ADAM23: variants seen among roughly 807,000 people sequenced by gnomAD.
ADAM23 encodes disintegrin and metalloproteinase domain-containing protein 23.
A neutral mutation model predicts 120.1 loss-of-function variants in ADAM23; 33 were observed. That is an observed-to-expected ratio of 0.27 (90% CI 0.21 to 0.37). The LOEUF is 0.37. Among genes scored for constraint, ADAM23 ranks in the 10% least tolerant of loss-of-function variants. ADAM23 has a pLI of 1.00. For missense variants in ADAM23, 862 were observed against 1,058.2 expected, an observed-to-expected ratio of 0.81 and a Z score of 2.57; for synonymous variants, 367 against 375.2, an observed-to-expected ratio of 0.98 and a Z score of 0.25.
intron 24 of ADAM23, among the ~76,000 whole-genome samples, chr2:206,607,455 G>A (rs188787480): frequency 1.3e-5 from 2 of 152,170 alleles, no homozygotes; most frequent in South Asian, 2.1e-4. Context: ...TACATTGGCT[G>A]TAACTTTGGT....
At chr2:206,536,627 A>T (rs1316875661) in intron 4 of ADAM23, among the ~76,000 whole-genome samples, 1 of 152,210 alleles carries the variant, frequency 6.6e-6, no homozygotes, top group Non-Finnish European at 1.5e-5. Flanking sequence ...GTGAGGTAGA[A>T]ATAAGACATG....
intron 2 of ADAM23, among the ~76,000 whole-genome samples, chr2:206,477,897 A>AAAAATATATATATATATATATATAT (rs374524658): frequency 5.3e-5 from 5 of 93,570 alleles, no homozygotes; most frequent in African/African-American, 1.5e-4. Context: ...AAAAAAAAAA[A>AAAAATATATATATATATATATATAT]ATATATATAT....
chr2:206,463,846 C>T (rs1695479317), intron 2 of ADAM23, among the ~76,000 whole-genome samples: 1 of 152,238 alleles, frequency 6.6e-6, no homozygotes, highest in African/African-American at 2.4e-5. Context: ...GGAAAAACAG[C>T]TTAGTAATTT....
chr2:206,610,706 T>C (rs535173654), intron 25 of ADAM23, among the ~76,000 whole-genome samples: 1 of 152,348 alleles, frequency 6.6e-6, no homozygotes, highest in Non-Finnish European at 1.5e-5. Context: ...ATAGACACAC[T>C]GGGTATTCAC....
At chr2:206,463,225 G>A (rs770825502) in intron 2 of ADAM23, among the ~76,000 whole-genome samples, 6 of 152,236 alleles carry the variant, frequency 3.9e-5, no homozygotes, top group Non-Finnish European at 8.8e-5. Context: ...TGAGATGGGA[G>A]TATATCCTGG....
At chr2:206,513,127 G>A (rs898376063) in intron 3 of ADAM23, among the ~76,000 whole-genome samples, 14 of 151,974 alleles carry the variant, frequency 9.2e-5, no homozygotes, top group African/African-American at 3.1e-4. Context: ...ACCTTATACC[G>A]GCCTCTATGT....
At chr2:206,563,659 A>C (rs766823325) in intron 13 of ADAM23, among the ~76,000 whole-genome samples, 6 of 152,060 alleles carry the variant, frequency 3.9e-5, no homozygotes, top group Admixed American at 1.3e-4. Context: ...ACTGAGTTGC[A>C]TGATGGAATA....
At chr2:206,588,972 T>C (rs1371039384) in intron 20 of ADAM23, among the ~76,000 whole-genome samples, 1 of 152,224 alleles carries the variant, frequency 6.6e-6, no homozygotes, top group Non-Finnish European at 1.5e-5. Flanking sequence ...ACATAAAATC[T>C]CAATAGGCTA....
chr2:206,475,969 G>T (rs1309069846), intron 2 of ADAM23, among the ~76,000 whole-genome samples: 2 of 152,158 alleles, frequency 1.3e-5, no homozygotes, highest in African/African-American at 4.8e-5. Context: ...CCTGTCACAT[G>T]TATACAGTGT....
intron 2 of ADAM23, among the ~76,000 whole-genome samples, chr2:206,453,650 A>G (rs951721430): frequency 6.6e-6 from 1 of 152,240 alleles, no homozygotes; most frequent in African/African-American, 2.4e-5. Flanking sequence ...TAAAAAGGCT[A>G]GATCCAGTTA....
chr2:206,451,133 G>A (rs1489738794), intron 2 of ADAM23, among the ~76,000 whole-genome samples: 2 of 152,248 alleles, frequency 1.3e-5, no homozygotes, highest in Admixed American at 6.5e-5. Flanking sequence ...AGAAGGTGGA[G>A]AAAGGAAGAG....
At position 206,561,412 on chromosome 2, in the gene ADAM23, C is replaced by T. The variant is rs540804437; in HGVS notation, c.1254+200C>T. Reference sequence around the variant, plus strand: ...TTTTGGTGTCATAATGACAATTTTTCGTATATATCAGGCAAATGCAGCTGA... The same window carrying T: ...TTTTGGTGTCATAATGACAATTTTTTGTATATATCAGGCAAATGCAGCTGA... On this transcript the variant is annotated intron_variant, in intron 12 of 25. Coordinates refer to ENST00000264377, the MANE Select transcript of ADAM23 (RefSeq NM_003812.4). Among the ~76,000 whole-genome samples the T allele has an allele frequency of 6.6e-5, 10 of 152,206 alleles. No homozygotes were observed. The South Asian group carries it at 2.1e-3, about 32-fold the overall frequency.
At chr2:206,451,718 C>T (rs867425148) in intron 2 of ADAM23, among the ~76,000 whole-genome samples, 3 of 152,252 alleles carry the variant, frequency 2.0e-5, no homozygotes, top group South Asian at 4.1e-4. Flanking sequence ...CTTTGCAGAG[C>T]TCATGCTGAA....
At chr2:206,522,172 A>G (rs1696857513) in intron 3 of ADAM23, among the ~76,000 whole-genome samples, 1 of 151,946 alleles carries the variant, frequency 6.6e-6, no homozygotes, top group African/African-American at 2.4e-5. Flanking sequence ...TGTGTACATT[A>G]TACATATATA....
In ADAM23 at chr2:206,592,616, G is replaced by A. The variant is rs1354617911; in HGVS notation, c.1959-1G>A. The A allele has an allele frequency of 6.2e-7, 1 of 1,613,570 alleles. No homozygotes were observed. Among genetic ancestry groups the A allele is most frequent in the Non-Finnish European group, 8.5e-7 (1 of 1,179,756 alleles). On this transcript the variant is annotated splice_acceptor_variant, in intron 21 of 25. Coordinates refer to ENST00000264377, the MANE Select transcript of ADAM23 (RefSeq NM_003812.4). LOFTEE classifies it high-confidence loss of function. ...TGTTTGTTTTCTTTACACATGTTCA[G>A]TGATGTGTTCTGTGGATTCTTACTC...
intron 2 of ADAM23, among the ~76,000 whole-genome samples, chr2:206,455,636 G>A (rs1695282763): frequency 6.6e-6 from 1 of 152,116 alleles, no homozygotes; most frequent in African/African-American, 2.4e-5. Flanking sequence ...ACGCATATGG[G>A]CACATACTTT....
Position 206,543,292 on chromosome 2 carries a change from G to T in ADAM23, c.696G>T (p.Glu232Asp). The change falls in exon 6 of 26, where the codon GAG (glutamate) becomes GAT (aspartate). Residue 232 changes from glutamate (E) to aspartate (D), a missense_variant. Physicochemically the swap from Glu to Asp is conservative, Grantham distance 45. Transcript: ENST00000264377. The stretch of plus-strand genomic sequence containing the variant: ...ATGATACCTTCGTGTATATGATAGA[G>T]CCACTAGAGCTGGTTCATGATGAGG... The part of the protein sequence containing the change: ...FEDDTFVYMI[E>D]PLELVHDEKS... 1 of 1,614,034 alleles carries T rather than the reference G, an allele frequency of 6.2e-7. No homozygotes were observed. The highest frequency in any genetic ancestry group is 8.5e-7 in the Non-Finnish European group (1 of 1,179,968).
rs114663475 is a variant in ADAM23 at position 206,605,387 on chromosome 2, C to T, written c.2360-4523C>T. Among the ~76,000 whole-genome samples, 610 of 152,224 alleles carry T rather than the reference C, an allele frequency of 4.0e-3. 6 individuals carry two copies. Among genetic ancestry groups the T allele is most frequent in the African/African-American group, 0.014 (588 of 41,530 alleles). ...TATTCTGAATTTTGAAAAGATGTAG[C>T]TTCTTAGGCATATTTTACAGTTTGA... On this transcript the variant is annotated intron_variant, in intron 24 of 25. Transcript: ENST00000264377.
chr2:206,616,400 T>G (rs997788782), intron 25 of ADAM23, among the ~76,000 whole-genome samples: 18 of 152,210 alleles, frequency 1.2e-4, no homozygotes, highest in African/African-American at 4.3e-4. Context: ...AGTCACACAC[T>G]TAGGTCACTC....
Sources: allele counts gnomAD v4.1 joint callset (sites outside exome capture counted in the v4.1 genomes callset), GRCh38; gene constraint gnomAD v4.1.1; transcripts MANE v1.5; gene names NCBI Gene and HGNC (gene_info 2026-07-23, HGNC 2026-07-21).